Variants in PARD3 observed in about 807,000 individuals in gnomAD.
The protein encoded by PARD3 is par-3 family cell polarity regulator.
PARD3 carries 75 observed loss-of-function variants against 155.4 expected under a neutral mutation model. That is an observed-to-expected ratio of 0.48 (90% confidence interval 0.40 to 0.58). The LOEUF (loss-of-function observed/expected upper bound fraction) is 0.58. PARD3 is among the 20% of genes least tolerant of loss of function. The pLI is 0.00. For synonymous variants in PARD3, 576 were observed against 610.5 expected, an observed-to-expected ratio of 0.94 and a Z score of 0.83; for missense variants, 1,642 against 1,721.7, an observed-to-expected ratio of 0.95 and a Z score of 0.82.
chr10:34,374,283 T>C (rs1044824792), intron 11 of PARD3, among the ~76,000 whole-genome samples: 3 of 152,170 alleles, frequency 2.0e-5, no homozygotes, highest in Admixed American at 1.3e-4. Context: ...AGGAGATAGG[T>C]TGCAAAAGTT....
intron 22 of PARD3, among the ~76,000 whole-genome samples, chr10:34,159,415 C>T (rs892879565): frequency 1.3e-5 from 2 of 152,200 alleles, no homozygotes; most frequent in Admixed American, 1.3e-4. Flanking sequence ...CTCTTTCACT[C>T]TGCCTTAGGA....
intron 22 of PARD3, among the ~76,000 whole-genome samples, chr10:34,246,093 C>T (rs1778871): frequency 5.3e-5 from 8 of 152,090 alleles, no homozygotes; most frequent in African/African-American, 1.9e-4. Context: ...ACACATTTTC[C>T]TGATGGCCTC....
intron 1 of PARD3, among the ~76,000 whole-genome samples, chr10:34,748,441 C>T (rs1835580213): frequency 6.6e-6 from 1 of 152,090 alleles, no homozygotes; most frequent in African/African-American, 2.4e-5. Context: ...CAGGCCACTG[C>T]ACTCCAGCCT....
intron 22 of PARD3, among the ~76,000 whole-genome samples, chr10:34,192,137 G>A (rs1025701580): frequency 1.3e-5 from 2 of 151,454 alleles, no homozygotes; most frequent in African/African-American, 4.9e-5. Context: ...TGGAGTGCCC[G>A]GCTCATTGCA....
chr10:34,282,667 G>A (rs561841843), intron 21 of PARD3, among the ~76,000 whole-genome samples: 18 of 152,082 alleles, frequency 1.2e-4, no homozygotes, highest in African/African-American at 3.9e-4. Context: ...TGTTTCTGTC[G>A]CTCAGATTAC....
At chr10:34,620,345 C>G (rs1384007300) in intron 2 of PARD3, among the ~76,000 whole-genome samples, 2 of 152,200 alleles carry the variant, frequency 1.3e-5, no homozygotes, top group Admixed American at 1.3e-4. Flanking sequence ...TTCCTGGAAA[C>G]CAAGAGGTTT....
intron 20 of PARD3, among the ~76,000 whole-genome samples, chr10:34,314,245 C>A (rs1957867524): frequency 1.3e-5 from 2 of 151,610 alleles, no homozygotes; most frequent in South Asian, 4.2e-4. Context: ...GTATATTCAT[C>A]TCAAACAATC....
Position 34,733,976 on chromosome 10 carries a change from T to C in PARD3, c.121-37557A>G, listed in dbSNP as rs550382925. Among the ~76,000 whole-genome samples the C allele has an allele frequency of 5.3e-5, 8 of 151,196 alleles. No homozygotes were observed. In the East Asian group the frequency reaches 1.2e-3, roughly 22 times the overall value. The stretch of plus-strand genomic sequence containing the variant: ...TTTTTTTTTTTACCATAAGCAGTCA[T>C]AGAAAGAACAAAGCTGTTTTATACT... On this transcript the variant is annotated intron_variant, in intron 1 of 24. Coordinates refer to ENST00000374788, the MANE Select transcript of PARD3 (RefSeq NM_001184785.2).
At chr10:34,791,150 A>G (rs1479298309) in intron 1 of PARD3, among the ~76,000 whole-genome samples, 1 of 152,250 alleles carries the variant, frequency 6.6e-6, no homozygotes, top group Non-Finnish European at 1.5e-5. Context: ...CTGGCTAGAC[A>G]TAAACTATCA....
At chr10:34,417,557 T>C (rs1279607145) in intron 5 of PARD3, among the ~76,000 whole-genome samples, 1 of 152,230 alleles carries the variant, frequency 6.6e-6, no homozygotes, top group Non-Finnish European at 1.5e-5. Flanking sequence ...GATTTGAAGG[T>C]AATGGATTAA....
At position 34,208,170 on chromosome 10, in the gene PARD3, T is replaced by C. The variant is rs144333717; in HGVS notation, c.3419+61487A>G. Among the ~76,000 whole-genome samples, 1,494 of 152,314 alleles carry C rather than the reference T, an allele frequency of 9.8e-3. 30 individuals carry two copies. The highest frequency in any genetic ancestry group is 0.034 in the African/African-American group (1,434 of 41,574). ...GATTTACTTTTTTTCTTACATGTCT[T>C]CTAAAAAATAAAAGTCTCTGTCGTG... On this transcript the variant is annotated intron_variant, in intron 22 of 24. Coordinates refer to ENST00000374788, the MANE Select transcript of PARD3 (RefSeq NM_001184785.2).
intron 1 of PARD3, among the ~76,000 whole-genome samples, chr10:34,709,622 G>C (rs1273262526): frequency 6.6e-6 from 1 of 152,024 alleles, no homozygotes; most frequent in Non-Finnish European, 1.5e-5. Context: ...GAGGGGATAA[G>C]GGGAGGTAGC....
intron 3 of PARD3, among the ~76,000 whole-genome samples, chr10:34,482,920 G>A (rs929370956): frequency 1.3e-5 from 2 of 151,852 alleles, no homozygotes; most frequent in Admixed American, 6.6e-5. Context: ...AGGCCAAGGC[G>A]GGCAGATCAC....
At chr10:34,264,845 G>A (rs1429956456) in intron 22 of PARD3, among the ~76,000 whole-genome samples, 3 of 151,588 alleles carry the variant, frequency 2.0e-5, no homozygotes, top group Admixed American at 1.3e-4. Context: ...AAATTCCTAG[G>A]TTCAAGTGAT....
intron 22 of PARD3, among the ~76,000 whole-genome samples, chr10:34,227,823 T>TA (rs1952676556): frequency 7.3e-6 from 1 of 136,878 alleles, no homozygotes; most frequent in African/African-American, 2.8e-5. Flanking sequence ...ACTGGGAATA[T>TA]ATATATATAT....
chr10:34,777,003 ATTTTTTTTTT>A (rs758917237), intron 1 of PARD3, among the ~76,000 whole-genome samples: 1 of 122,410 alleles, frequency 8.2e-6, no homozygotes, highest in Admixed American at 8.4e-5. Context: ...TGTCTGGCTA[ATTTTTTTTTT>A]TTTTTTTTTT....
rs561733657 is a variant in PARD3 at position 34,351,250 on chromosome 10, A to AG, written c.2068-3136dup. On this transcript the variant is annotated intron_variant, in intron 14 of 24. Transcript: ENST00000374788. Reference sequence around the variant, plus strand: ...GCAAGATCATATTATTCAATATTTCAGTTTTTTTTTAGCATATTGTATTTT... The same window carrying AG: ...GCAAGATCATATTATTCAATATTTCAGGTTTTTTTTTAGCATATTGTATTTT... 1.4e-4 allele frequency among the ~76,000 whole-genome samples: 19 copies of AG among 139,858 alleles called. 1 individual carries two copies. The South Asian group carries it at 5.2e-3, about 38-fold the overall frequency. The allele number at this position is 139,858 out of a possible 152,430, so 91.8% of individuals were successfully genotyped here.
chr10:34,455,785 C>T (rs2077304778), intron 4 of PARD3, among the ~76,000 whole-genome samples: 2 of 151,928 alleles, frequency 1.3e-5, no homozygotes, highest in African/African-American at 4.8e-5. Flanking sequence ...TATCATTTAC[C>T]CTAGGTGCAT....
intron 4 of PARD3, among the ~76,000 whole-genome samples, chr10:34,466,399 T>C (rs1001458128): frequency 2.0e-5 from 3 of 152,128 alleles, no homozygotes; most frequent in African/African-American, 4.8e-5. Context: ...AGGAGAGAGT[T>C]TGACATGATG....
Sources: gnomAD v4.1 joint callset for allele counts (sites outside exome capture counted in the v4.1 genomes callset) on GRCh38, gnomAD v4.1.1 for gene constraint, MANE v1.5 for transcripts, NCBI Gene and HGNC (gene_info 2026-07-23, HGNC 2026-07-21) for gene names.